Variants in CDKL5 observed in about 807,000 individuals in gnomAD.
CDKL5 encodes cyclin-dependent kinase-like 5.
A neutral mutation model predicts 61.7 loss-of-function variants in CDKL5; 8 were observed. The observed-to-expected ratio is 0.13, with a 90% CI of 0.08 to 0.23. The LOEUF (loss-of-function observed/expected upper bound fraction) is 0.23. CDKL5 is among the 10% of genes least tolerant of loss of function. The pLI is 1.00. For synonymous variants in CDKL5, 275 were observed against 272.3 expected, an observed-to-expected ratio of 1.01 and a Z score of -0.10; for missense variants, 440 against 734.5, an observed-to-expected ratio of 0.60 and a Z score of 4.63.
Position 18,632,840 on chromosome X carries a change from ATCCTCACTTC to A in CDKL5, c.*4085_*4094del. 1 of 753,435 alleles carries A rather than the reference ATCCTCACTTC, an allele frequency of 1.3e-6. No homozygotes were observed. Among genetic ancestry groups the A allele is most frequent in the East Asian group, 1.5e-4 (1 of 6,680 alleles). 62.1% of individuals were successfully genotyped at this position (753,435 alleles called of 1,213,427 possible). A position where few individuals can be genotyped will look rare whatever the true frequency, so the allele number is the denominator to read the frequency against. On this transcript the variant is annotated 3_prime_UTR_variant, in exon 18 of 18. Coordinates refer to ENST00000623535, the MANE Select transcript of CDKL5 (RefSeq NM_001323289.2). ...AGCCCCTCTTAGTTAAGATCATAGT[ATCCTCACTTC>A]TTAAACTAGTCTTTAGAGTAAATAA... is the stretch of plus-strand genomic sequence containing the variant.
chrX:18,453,076 C>T (rs776982157), intron 1 of CDKL5, among the ~76,000 whole-genome samples: 13 of 110,553 alleles, frequency 1.2e-4, no homozygotes, highest in Admixed American at 1.9e-4. Flanking sequence ...GTGATCCATC[C>T]GCTTCAGCCT....
At chrX:18,477,967 C>T (rs1414491716) in intron 1 of CDKL5, among the ~76,000 whole-genome samples, 9 of 111,635 alleles carry the variant, frequency 8.1e-5, no homozygotes, top group Non-Finnish European at 1.9e-5. Context: ...TCCAGTATAG[C>T]TTTGTTCCCA....
intron 3 of CDKL5, among the ~76,000 whole-genome samples, chrX:18,553,577 C>T (rs1924482338): frequency 9.1e-6 from 1 of 109,630 alleles, no homozygotes; most frequent in East Asian, 2.9e-4. Flanking sequence ...ACTGCAACCT[C>T]CGCCTCCTGG....
chrX:18,438,913 C>G (rs1181900451), intron 1 of CDKL5, among the ~76,000 whole-genome samples: 1 of 110,250 alleles, frequency 9.1e-6, no homozygotes, highest in East Asian at 2.9e-4. Context: ...CTAGCTATAT[C>G]CCAGGATCTT....
chrX:18,608,679 A>C, intron 12 of CDKL5, 132 bp from the exon 13 acceptor site: 1 of 500,328 alleles, frequency 2.0e-6, no homozygotes, highest in Non-Finnish European at 3.6e-6. Flanking sequence ...TTATGGGACT[A>C]TTTGTATTTT....
At chrX:18,469,338 C>CAAAAAA (rs34096001) in intron 1 of CDKL5, among the ~76,000 whole-genome samples, 1 of 15,670 alleles carries the variant, frequency 6.4e-5, no homozygotes, top group Non-Finnish European at 1.1e-4. Flanking sequence ...GACTCTGTCT[C>CAAAAAA]AAAAAAAAAA....
chrX:18,584,279 G>A lies in CDKL5; in HGVS notation c.480G>A (p.Leu160=), dbSNP rs750878642. 4 of 1,199,972 alleles carry A rather than the reference G, an allele frequency of 3.3e-6. No individual in the cohort carries two copies. The highest frequency in any genetic ancestry group is 3.5e-5 in the African/African-American group (2 of 56,967). ...ATCTTTCAGGTTTTGCTCGTAATCT[G>A]TCAGAAGGCAATAATGCTAATTACA... ...KLCDFGFARN[L]SEGNNANYTE... The change falls in exon 8 of 18, where the codon CTG becomes CTA. Residue 160 remains leucine (L), a synonymous_variant. Coordinates refer to ENST00000623535, the MANE Select transcript of CDKL5 (RefSeq NM_001323289.2).
At chrX:18,602,966 A>G (rs982227456) in intron 11 of CDKL5, among the ~76,000 whole-genome samples, 1 of 112,120 alleles carries the variant, frequency 8.9e-6, no homozygotes, top group Non-Finnish European at 1.9e-5. Flanking sequence ...GATCCTTTCA[A>G]TAGTTACAGT....
At chrX:18,585,305 G>A (rs1400665341) in intron 8 of CDKL5, among the ~76,000 whole-genome samples, 1 of 111,021 alleles carries the variant, frequency 9.0e-6, no homozygotes, top group Non-Finnish European at 1.9e-5. Flanking sequence ...TAAGGCAGGA[G>A]AGTCACTTGA....
chrX:18,503,985 C>T, intron 1 of CDKL5, among the ~76,000 whole-genome samples: 1 of 111,753 alleles, frequency 8.9e-6, no homozygotes, highest in Non-Finnish European at 1.9e-5. Context: ...ATGAGTGATC[C>T]GTCCACCTCA....
At chrX:18,467,137 C>T (rs1920967931) in intron 1 of CDKL5, among the ~76,000 whole-genome samples, 1 of 110,698 alleles carries the variant, frequency 9.0e-6, no homozygotes, top group Non-Finnish European at 1.9e-5. Flanking sequence ...TAAGCATACC[C>T]CGAGAATGAC....
intron 2 of CDKL5, among the ~76,000 whole-genome samples, chrX:18,509,098 A>G (rs1206861958): frequency 1.1e-5 from 1 of 91,857 alleles, no homozygotes; most frequent in Non-Finnish European, 2.2e-5. Context: ...CAAAACACAC[A>G]CACACACACA....
intron 11 of CDKL5, among the ~76,000 whole-genome samples, chrX:18,599,935 C>T (rs1246904433): frequency 1.8e-5 from 2 of 111,529 alleles, no homozygotes; most frequent in South Asian, 3.8e-4. Context: ...TCCTGGCAAG[C>T]GATCCTCCCA....
chrX:18,595,263 C>T (rs1289592733), intron 9 of CDKL5, 85 bp from the exon 10 acceptor site: 8 of 622,968 alleles, frequency 1.3e-5, no homozygotes, highest in Non-Finnish European at 1.9e-5. Context: ...TTTTGCTTAT[C>T]TGCTCCCTTC....
intron 1 of CDKL5, among the ~76,000 whole-genome samples, chrX:18,470,287 G>T (rs1390086706): frequency 1.0e-5 from 1 of 98,086 alleles, no homozygotes; most frequent in Non-Finnish European, 2.0e-5. Context: ...AGTGAGCTGA[G>T]ATCGCACAGC....
intron 3 of CDKL5, among the ~76,000 whole-genome samples, chrX:18,555,605 AT>A (rs34448568): frequency 0.021 from 2,388 of 111,627 alleles, 51 homozygotes; most frequent in African/African-American, 0.062. Flanking sequence ...GGGGATATAC[AT>A]TTTTTTCTGT....
At chrX:18,586,230 T>C (rs947062727) in intron 8 of CDKL5, among the ~76,000 whole-genome samples, 1 of 112,020 alleles carries the variant, frequency 8.9e-6, no homozygotes, top group Admixed American at 9.5e-5. Flanking sequence ...TTTCTTTGTG[T>C]TTGTCTATAT....
Position 18,507,116 on chromosome X carries a change from G to C in CDKL5, c.20G>C (p.Gly7Ala), listed in dbSNP as rs1922604717. The change falls in exon 2 of 18, where the codon GGT (glycine) becomes GCT (alanine). Residue 7 changes from glycine (G) to alanine (A), a missense_variant. By Grantham distance (60) the Gly-to-Ala change is moderately conservative. This residue lies in a region of CDKL5 where 77 missense variants were observed against 218.2 expected (regional missense o/e 0.35). Transcript: ENST00000623535. The part of the protein sequence containing the change: MKIPNI[G>A]NVMNKFEILG... ...GTCTTCATGAAGATTCCTAACATTG[G>C]TAATGTGATGAATAAATTTGAGATC... 1.7e-6 allele frequency: 2 copies of C among 1,198,235 alleles called. No individual in the cohort carries two copies. Among genetic ancestry groups the C allele is most frequent in the Non-Finnish European group, 2.3e-6 (2 of 885,220 alleles).
chrX:18,651,600 G>A lies in CDKL5; in HGVS notation c.2980+1008G>A, dbSNP rs375621070. Among the ~76,000 whole-genome samples, 7 of 111,111 alleles carry A rather than the reference G, an allele frequency of 6.3e-5. No individual in the cohort carries two copies. The East Asian group carries it at 8.6e-4, about 14-fold the overall frequency. ...GAGGGAGAGGAGCCACCCATGAGAC[G>A]TCTGCCTTCCAATGGGGCTGTGGCC... On this transcript the variant is annotated intron_variant, in intron 21 of 21. Transcript: ENST00000379989.
Sources: allele counts gnomAD v4.1 joint callset (sites outside exome capture counted in the v4.1 genomes callset), GRCh38; gene constraint gnomAD v4.1.1; regional missense constraint gnomAD v4.1.1; transcripts MANE v1.5; gene names NCBI Gene and HGNC (gene_info 2026-07-23, HGNC 2026-07-21).